The following KIAA0825 variants were observed in gnomAD, a reference collection of about 807,000 sequenced individuals.
KIAA0825 encodes KIAA0825.
A neutral mutation model predicts 147.6 loss-of-function variants in KIAA0825; 119 were observed. That is an observed-to-expected ratio of 0.81 (90% CI 0.69 to 0.94). KIAA0825 has a LOEUF of 0.94. Ranked by LOEUF, KIAA0825 falls within the 40% of genes least tolerant of loss-of-function variation. The pLI, the probability that KIAA0825 is intolerant of heterozygous loss-of-function variation, is 0.00. For missense variants in KIAA0825, 1,381 were observed against 1,472.7 expected, an observed-to-expected ratio of 0.94 and a Z score of 1.02; for synonymous variants, 470 against 518.1, an observed-to-expected ratio of 0.91 and a Z score of 1.26.
intron 14 of KIAA0825, among the ~76,000 whole-genome samples, chr5:94,427,939 AC>A (rs1755104461): frequency 6.7e-6 from 1 of 150,304 alleles, no homozygotes; most frequent in African/African-American, 2.4e-5. Flanking sequence ...GTTCAATTGA[AC>A]TCTTTGTCAT....
intron 20 of KIAA0825, among the ~76,000 whole-genome samples, chr5:94,280,529 G>A (rs1246487343): frequency 6.6e-6 from 1 of 151,970 alleles, no homozygotes; most frequent in Non-Finnish European, 1.5e-5. Context: ...TATATTCATT[G>A]TTACAGCATA....
intron 1 of KIAA0825, among the ~76,000 whole-genome samples, chr5:94,610,599 C>T (rs1295482743): frequency 6.7e-6 from 1 of 148,494 alleles, no homozygotes; most frequent in East Asian, 2.0e-4. Flanking sequence ...CCTATCTCTA[C>T]TAAAATACAA....
At chr5:94,356,392 G>A (rs1324288153) in intron 20 of KIAA0825, among the ~76,000 whole-genome samples, 1 of 151,834 alleles carries the variant, frequency 6.6e-6, no homozygotes, top group African/African-American at 2.4e-5. Context: ...CGGATCACGA[G>A]GTCAGGAGAT....
intron 14 of KIAA0825, among the ~76,000 whole-genome samples, chr5:94,423,234 G>A (rs1468775071): frequency 1.3e-5 from 2 of 152,146 alleles, no homozygotes; most frequent in Non-Finnish European, 2.9e-5. Context: ...GTATTGGCAA[G>A]CCACATATTT....
chr5:94,510,828 C>T (rs960711350), intron 5 of KIAA0825, among the ~76,000 whole-genome samples: 1 of 152,188 alleles, frequency 6.6e-6, no homozygotes, highest in African/African-American at 2.4e-5. Flanking sequence ...AGCAGTTTCT[C>T]CTGTATAAAT....
intron 1 of KIAA0825, among the ~76,000 whole-genome samples, chr5:94,612,167 G>A (rs1789014996): frequency 6.6e-6 from 1 of 152,118 alleles, no homozygotes; most frequent in Non-Finnish European, 1.5e-5. Flanking sequence ...AAGAACATAT[G>A]ACCCAAATGT....
intron 20 of KIAA0825, among the ~76,000 whole-genome samples, chr5:94,228,111 AT>A (rs967869760): frequency 2.0e-5 from 3 of 152,128 alleles, no homozygotes; most frequent in Admixed American, 1.3e-4. Flanking sequence ...GAATATGTAA[AT>A]TCTACTGGCT....
intron 5 of KIAA0825, among the ~76,000 whole-genome samples, chr5:94,489,516 T>C (rs1021370510): frequency 1.3e-5 from 2 of 151,294 alleles, no homozygotes; most frequent in African/African-American, 4.9e-5. Context: ...AAAAACTAGA[T>C]TTGGGTCTCA....
intron 20 of KIAA0825, among the ~76,000 whole-genome samples, chr5:94,198,430 A>T (rs562843364): frequency 0.02 from 3,062 of 149,856 alleles, 41 homozygotes; most frequent in Admixed American, 0.025. Flanking sequence ...TTTTTTTTTT[A>T]AATTTTTGTC....
chr5:94,441,030 G>A (rs986967568), intron 13 of KIAA0825, among the ~76,000 whole-genome samples: 1 of 152,070 alleles, frequency 6.6e-6, no homozygotes, highest in Admixed American at 6.6e-5. Context: ...ATCTAGAGGT[G>A]AGAATGGGAG....
intron 20 of KIAA0825, among the ~76,000 whole-genome samples, chr5:94,258,321 A>G (rs1004499960): frequency 1.3e-5 from 2 of 152,020 alleles, no homozygotes; most frequent in African/African-American, 4.8e-5. Context: ...TCTGTTTCTA[A>G]TCATTTTTCT....
intron 3 of KIAA0825, among the ~76,000 whole-genome samples, chr5:94,534,965 C>T (rs979036698): frequency 1.3e-5 from 2 of 151,950 alleles, no homozygotes; most frequent in Non-Finnish European, 2.9e-5. Context: ...TCATAAAATA[C>T]ATAAATATAT....
At chr5:94,459,820 A>G (rs549838275) in intron 12 of KIAA0825, among the ~76,000 whole-genome samples, 17 of 152,298 alleles carry the variant, frequency 1.1e-4, no homozygotes, top group Non-Finnish European at 2.4e-4. Context: ...TCGGGTAAAT[A>G]TAGATATAGA....
At chr5:94,521,231 A>C (rs1768133644) in intron 4 of KIAA0825, among the ~76,000 whole-genome samples, 1 of 151,810 alleles carries the variant, frequency 6.6e-6, no homozygotes, top group Non-Finnish European at 1.5e-5. Flanking sequence ...CTGGCTTAAA[A>C]ATTCTAAATA....
chr5:94,498,672 A>T (rs1002602787), intron 5 of KIAA0825, among the ~76,000 whole-genome samples: 1 of 152,228 alleles, frequency 6.6e-6, no homozygotes, highest in South Asian at 2.1e-4. Flanking sequence ...CTAAGTTCAG[A>T]GTCCTGGCTA....
At chr5:94,262,671 G>A (rs761645729) in intron 20 of KIAA0825, among the ~76,000 whole-genome samples, 3 of 152,122 alleles carry the variant, frequency 2.0e-5, no homozygotes, top group Non-Finnish European at 2.9e-5. Flanking sequence ...AGTAGAAAAA[G>A]TAAGACAACA....
In KIAA0825 at chr5:94,455,485, T is replaced by G. The variant is rs147325669; in HGVS notation, c.2247-2416A>C. Among the ~76,000 whole-genome samples the G allele has an allele frequency of 5.5e-3, 843 of 152,098 alleles. 13 individuals carry two copies. In the Middle Eastern group the frequency reaches 0.065, roughly 12 times the overall value. ...GAGTGGTAGGTATAAAAGTAGACAA[T>G]GAATGAAAACTGTTTTGAGAGGGAA... On this transcript the variant is annotated intron_variant, in intron 12 of 20. Transcript: ENST00000682413.
intron 20 of KIAA0825, among the ~76,000 whole-genome samples, chr5:94,366,617 C>A (rs1745891586): frequency 6.6e-6 from 1 of 152,134 alleles, no homozygotes. Flanking sequence ...GTGTTCCAGG[C>A]CTTGTACTAA....
At chr5:94,595,841 C>CT (rs1196501405) in intron 1 of KIAA0825, among the ~76,000 whole-genome samples, 85 of 152,182 alleles carry the variant, frequency 5.6e-4, no homozygotes, top group African/African-American at 2.0e-3. Flanking sequence ...ACTAGATGGT[C>CT]TAAATCATCT....
Sources: allele counts gnomAD v4.1 joint callset (sites outside exome capture counted in the v4.1 genomes callset), GRCh38; gene constraint gnomAD v4.1.1; transcripts MANE v1.5; gene names NCBI Gene and HGNC (gene_info 2026-07-23, HGNC 2026-07-21).